Variants in DCHS1 observed in about 807,000 individuals in gnomAD.
DCHS1 encodes dachsous cadherin-related 1.
Under a neutral mutation model 213.9 loss-of-function variants are expected in DCHS1, and 78 were observed. The ratio of observed to expected loss-of-function variants is 0.36; its 90% CI spans 0.30 to 0.44. The LOEUF is 0.44. Among genes scored for constraint, DCHS1 ranks in the 20% least tolerant of loss-of-function variants. The pLI is 1.00. For synonymous variants in DCHS1, 1,828 were observed against 1,873.7 expected (o/e 0.98, Z 0.63); for missense variants, 3,946 against 4,395.9 (o/e 0.90, Z 2.89).
chr11:6,649,177 G>C (rs572574508), intron 1 of DCHS1, among the ~76,000 whole-genome samples: 17 of 151,436 alleles, frequency 1.1e-4, no homozygotes, highest in Middle Eastern at 3.4e-3. Flanking sequence ...AGGGCTCAAA[G>C]AAGGTAGCAG....
Position 6,632,310 on chromosome 11 carries a change from A to G in DCHS1, c.3202T>C (p.Tyr1068His), listed in dbSNP as rs1439659407. The G allele has an allele frequency of 6.2e-7, 1 of 1,613,802 alleles. No individual in the cohort carries two copies. The change falls in exon 6 of 21, where the codon TAC (tyrosine) becomes CAC (histidine). Residue 1068 changes from tyrosine to histidine, a missense_variant. Physicochemically the swap from Tyr to His is moderately conservative, Grantham distance 83. Transcript: ENST00000299441. This position sits in a 1 kb window ranked among gnomAD's most constrained non-coding sequence, Gnocchi z 5.9. ...GACACTGCCATTACCTTCAGTATGT[A>G]CAATTCCTGGGCCTCACGGTCTAGT... ...AALDREAQELYILKVMAVSGS... is the reference protein window; with the variant it reads ...AALDREAQELHILKVMAVSGS...
At position 6,624,360 on chromosome 11, in the gene DCHS1, G is replaced by A. The variant is rs2134613332; in HGVS notation, c.7316C>T (p.Ala2439Val). 2 of 1,573,902 alleles carry A rather than the reference G, an allele frequency of 1.3e-6. No individual in the cohort carries two copies. Among genetic ancestry groups the A allele is most frequent in the Non-Finnish European group, 8.6e-7 (1 of 1,159,756 alleles). Residue 2439 changes from alanine to valine, a missense_variant, in exon 21 of 21, where the codon GCC (alanine) becomes GTC (valine). Transcript: ENST00000299441. Reference protein sequence around the residue: ...GTLFTIVGTVALGHDGSGAVD... With the variant: ...GTLFTIVGTVVLGHDGSGAVD... Reference sequence around the variant, plus strand: ...TGCTCCTGACCCGTCATGGCCCAAGGCCACTGTTCCCACTATTGTGAACAG... The same window carrying A: ...TGCTCCTGACCCGTCATGGCCCAAGACCACTGTTCCCACTATTGTGAACAG...
intron 2 of DCHS1, 141 bp from the exon 3 acceptor site, chr11:6,634,447 C>A: frequency 1.2e-6 from 1 of 868,866 alleles, no homozygotes; most frequent in Non-Finnish European, 1.7e-6. Context: ...GGGCCCAAAC[C>A]CAACCTCAGC....
intron 2 of DCHS1, among the ~76,000 whole-genome samples, 189 bp from the exon 3 acceptor site, chr11:6,634,495 T>C (rs1855960663): frequency 6.6e-6 from 1 of 152,240 alleles, no homozygotes; most frequent in Non-Finnish European, 1.5e-5. Context: ...TAAGTGCCTC[T>C]AGCCATAACA....
In DCHS1 at chr11:6,640,910, C is replaced by CG. The variant is rs750761962; in HGVS notation, c.703dup (p.Arg235ProfsTer16). On this transcript the variant is annotated frameshift_variant, in exon 2 of 21. Coordinates refer to ENST00000299441, the MANE Select transcript of DCHS1 (RefSeq NM_003737.4). LOFTEE classifies it high-confidence loss of function. The surrounding 1 kb of genome is among the most constrained non-coding windows in gnomAD (Gnocchi z 6.5). The stretch of plus-strand genomic sequence containing the variant: ...CACGTCCAGCAGGGCCTGGGCCCTC[C>CG]GGGGGGGTGAACCACCATCATAGGC... 19 of 1,613,604 alleles carry CG rather than the reference C, an allele frequency of 1.2e-5. No homozygotes were observed. Among genetic ancestry groups the CG allele is most frequent in the African/African-American group, 1.3e-5 (1 of 74,914 alleles).
Position 6,631,727 on chromosome 11 carries a change from GCTCCC to G in DCHS1, c.3559_3563del (p.Gly1187ProfsTer15). The G allele has an allele frequency of 6.2e-7, 1 of 1,609,122 alleles. No individual in the cohort carries two copies. ...CAGTGCCTGTGGTGCTGCGGGGTGG[GCTCCC>G]TCCATCCTGCACCTGCACCAGGAGC... On this transcript the variant is annotated frameshift_variant, in exon 7 of 21. Coordinates refer to ENST00000299441, the MANE Select transcript of DCHS1 (RefSeq NM_003737.4). LOFTEE classifies it high-confidence loss of function.
chr11:6,643,789 C>T (rs970215398), intron 1 of DCHS1, among the ~76,000 whole-genome samples: 2 of 152,198 alleles, frequency 1.3e-5, no homozygotes, highest in Non-Finnish European at 2.9e-5. Flanking sequence ...AGACACATGT[C>T]CAGCCATATA....
At chr11:6,637,474 A>G (rs868192916) in intron 2 of DCHS1, among the ~76,000 whole-genome samples, 6 of 152,140 alleles carry the variant, frequency 3.9e-5, no homozygotes, top group South Asian at 4.1e-4. Flanking sequence ...TTGCTATAGA[A>G]AAAAGCTCAA....
In DCHS1 at chr11:6,640,879, C is replaced by A; in HGVS notation, c.735G>T (p.Leu245=). 6.2e-7 allele frequency: 1 copy of A among 1,614,042 alleles called. No individual in the cohort carries two copies. Among genetic ancestry groups the A allele is most frequent in the Admixed American group, 1.7e-5 (1 of 60,036 alleles). Residue 245 remains leucine (L), a synonymous_variant, in exon 2 of 21, where the codon CTG becomes CTT. Transcript: ENST00000299441. This position sits in a 1 kb window ranked among gnomAD's most constrained non-coding sequence, Gnocchi z 6.5. ...CCGGGGCATGGTCATTGATGTCCAG[C>A]AGTGTCACGTCCAGCAGGGCCTGGG... ...RRAQALLDVT[L]LDINDHAPAF...
rs750998296 is a variant in DCHS1 at position 6,631,399 on chromosome 11, G to A, written c.3684C>T (p.Asp1228=). 6.2e-7 allele frequency: 1 copy of A among 1,613,962 alleles called. No individual in the cohort carries two copies. The highest frequency in any genetic ancestry group is 2.2e-5 in the East Asian group (1 of 44,884). The change falls in exon 8 of 21, where the codon GAC becomes GAT. Residue 1228 remains aspartate (D), a synonymous_variant. Coordinates refer to ENST00000299441, the MANE Select transcript of DCHS1 (RefSeq NM_003737.4). ...AGGGLPIQVP[D]RVPPGTLVTT... is the part of the protein sequence containing the mutation. ...TCACCAGTGTTCCCGGAGGCACGCG[G>A]TCTGGTACCTGTGGGAACACAACTC...
rs748184319 is a variant in DCHS1 at position 6,630,370 on chromosome 11, C to T, written c.4424G>A (p.Arg1475His). The change falls in exon 10 of 21, where the codon CGC becomes CAC. Residue 1475 changes from arginine to histidine, a missense_variant. By Grantham distance (29) the Arg-to-His change is conservative. Coordinates refer to ENST00000299441, the MANE Select transcript of DCHS1 (RefSeq NM_003737.4). The stretch of plus-strand genomic sequence containing the variant: ...CACGGGCGGCTCCTGGCGCAGCAGG[C>T]GGTAGCGCACGTCGCTATTGGGGCC... ...GPGPNSDVRY[R>H]LLRQEPPVPA... 1 of 1,353,978 alleles carries T rather than the reference C, an allele frequency of 7.4e-7. No homozygotes were observed. The allele number at this position is 1,353,978 out of a possible 1,614,324, so 83.9% of individuals were successfully genotyped here. A position where few individuals can be genotyped will look rare whatever the true frequency, so the allele number is the denominator to read the frequency against.
chr11:6,641,695 G>T lies in DCHS1; in HGVS notation c.-82C>A. 1 of 1,457,658 alleles carries T rather than the reference G, an allele frequency of 6.9e-7. No individual in the cohort carries two copies. The highest frequency in any genetic ancestry group is 9.1e-7 in the Non-Finnish European group (1 of 1,103,994). The allele number at this position is 1,457,658 out of a possible 1,614,324, so 90.3% of individuals were successfully genotyped here. ...AGCTTGACCTCAGACTTTGGGTCAG[G>T]TCCCACTGGGGCCCTGGCTCCAGCT... On this transcript the variant is annotated 5_prime_UTR_variant, in exon 2 of 21. Coordinates refer to ENST00000299441, the MANE Select transcript of DCHS1 (RefSeq NM_003737.4). The surrounding 1 kb of genome is among the most constrained non-coding windows in gnomAD (Gnocchi z 7.1).
chr11:6,631,644 C>A lies in DCHS1; in HGVS notation c.3647G>T (p.Gly1216Val). The A allele has an allele frequency of 6.3e-7, 1 of 1,593,900 alleles. No individual in the cohort carries two copies. ...DNSPTFLQAS[G>V]AAGGGLPIQV... ...TATAGGGAGGCCCCCACCAGCAGCT[C>A]CTGAAGCCTGCAGGAACGTGGGGCT... Residue 1216 changes from glycine to valine, a missense_variant, in exon 7 of 21, where the codon GGA becomes GTA. By Grantham distance (109) the Gly-to-Val change is moderately radical (BLOSUM62 -3). Around this residue, in one of 3 missense-constraint regions of DCHS1, gnomAD observed 3,384 missense variants for 3,780.1 expected, o/e 0.90. Coordinates refer to ENST00000299441, the MANE Select transcript of DCHS1 (RefSeq NM_003737.4).
chr11:6,637,353 T>G (rs1218887475), intron 2 of DCHS1, among the ~76,000 whole-genome samples: 1 of 152,134 alleles, frequency 6.6e-6, no homozygotes, highest in African/African-American at 2.4e-5. Flanking sequence ...ATTGTGACAA[T>G]CAGAAATTTC....
Position 6,632,343 on chromosome 11 carries a change from G to A in DCHS1, c.3169C>T (p.Arg1057Trp), listed in dbSNP as rs756230941. The A allele has an allele frequency of 1.2e-5, 20 of 1,613,756 alleles. 1 individual carries two copies. Among genetic ancestry groups the A allele is most frequent in the South Asian group, 5.5e-5 (5 of 91,088 alleles). ...TGGGCCTCACGGTCTAGTGCTGCCC[G>A]CACCCATAGCCACCCACTCTGTGGC... is the stretch of plus-strand genomic sequence containing the variant. Reference protein sequence around the residue: ...LEPQSGWLWVRAALDREAQEL... With the variant: ...LEPQSGWLWVWAALDREAQEL... The change falls in exon 6 of 21, where the codon CGG becomes TGG. Residue 1057 changes from arginine to tryptophan, a missense_variant. Coordinates refer to ENST00000299441, the MANE Select transcript of DCHS1 (RefSeq NM_003737.4). This position sits in a 1 kb window ranked among gnomAD's most constrained non-coding sequence, Gnocchi z 5.9.
rs1464964527 is a variant in DCHS1 at position 6,626,228 on chromosome 11, G to A, written c.6517C>T (p.Arg2173Trp). 7 of 1,611,488 alleles carry A rather than the reference G, an allele frequency of 4.3e-6. No homozygotes were observed. The highest frequency in any genetic ancestry group is 2.2e-5 in the East Asian group (1 of 44,814). The change falls in exon 16 of 21, where the codon CGG becomes TGG. Residue 2173 changes from arginine (R) to tryptophan (W), a missense_variant. Coordinates refer to ENST00000299441, the MANE Select transcript of DCHS1 (RefSeq NM_003737.4). This position sits in a 1 kb window ranked among gnomAD's most constrained non-coding sequence, Gnocchi z 5.2. The stretch of plus-strand genomic sequence containing the variant: ...GGAAGGAAGGCCACATAATGGGGCC[G>A]CAGGAAACGGGGAGCATTGTCGTTG... ...DANDNAPRFLRPHYVAFLPES... is the reference protein window; with the variant it reads ...DANDNAPRFLWPHYVAFLPES...
In DCHS1 at chr11:6,627,189, C is replaced by T; in HGVS notation, c.5850G>A (p.Val1950=). 1.2e-6 allele frequency: 2 copies of T among 1,612,902 alleles called. No homozygotes were observed. Among genetic ancestry groups the T allele is most frequent in the Non-Finnish European group, 1.7e-6 (2 of 1,179,592 alleles). ...LSTTVSVTIT[V]RDVNDHAPTF... is the part of the protein sequence containing the mutation. ...TGGGTGCATGGTCATTGACATCGCG[C>T]ACCGTGATGGTGACAGACACTGTGG... Residue 1950 remains valine, a synonymous_variant, in exon 14 of 21, where the codon GTG becomes GTA. Coordinates refer to ENST00000299441, the MANE Select transcript of DCHS1 (RefSeq NM_003737.4). This position sits in a 1 kb window ranked among gnomAD's most constrained non-coding sequence, Gnocchi z 5.4.
chr11:6,622,339 G>A lies in DCHS1; in HGVS notation c.9337C>T (p.Pro3113Ser). 6.3e-7 allele frequency: 1 copy of A among 1,599,900 alleles called. No homozygotes were observed. Residue 3113 changes from proline to serine, a missense_variant, in exon 21 of 21, where the codon CCA becomes TCA. Coordinates refer to ENST00000299441, the MANE Select transcript of DCHS1 (RefSeq NM_003737.4). This position sits in a 1 kb window ranked among gnomAD's most constrained non-coding sequence, Gnocchi z 5.4. ...GATLYREEGP[P>S]ATATAFLGGC... ...CCCAGGAAGGCTGTGGCAGTGGCTG[G>A]GGGCCCCTCCTCTCTGTAGAGAGTG... is the stretch of plus-strand genomic sequence containing the variant.
Position 6,622,495 on chromosome 11 carries a change from C to G in DCHS1, c.9181G>C (p.Ala3061Pro). ...ATGCCTGAGTCAGGGCCACGGGCAGCCAGAGAGGAGGCCACACTGGCCACA... is the reference window on the plus strand; with the variant it reads ...ATGCCTGAGTCAGGGCCACGGGCAGGCAGAGAGGAGGCCACACTGGCCACA... Reference protein sequence around the residue: ...PRVASVASSLAARGPDSGIQQ... With the variant: ...PRVASVASSLPARGPDSGIQQ... Residue 3061 changes from alanine (A) to proline (P), a missense_variant, in exon 21 of 21, where the codon GCT becomes CCT. Coordinates refer to ENST00000299441, the MANE Select transcript of DCHS1 (RefSeq NM_003737.4). This position sits in a 1 kb window ranked among gnomAD's most constrained non-coding sequence, Gnocchi z 5.4. 6.4e-7 allele frequency: 1 copy of G among 1,574,404 alleles called. No individual in the cohort carries two copies.
Sources: gnomAD v4.1 joint callset for allele counts (sites outside exome capture counted in the v4.1 genomes callset) on GRCh38, gnomAD v4.1.1 for gene constraint, gnomAD v4.1.1 regional missense constraint, Gnocchi (gnomAD v3.1) non-coding constraint, MANE v1.5 for transcripts, NCBI Gene and HGNC (gene_info 2026-07-23, HGNC 2026-07-21) for gene names.